The following AKAP9 variants were observed in gnomAD, a reference collection of about 807,000 sequenced individuals.
AKAP9 encodes the protein A-kinase anchor protein 9.
A neutral mutation model predicts 488.5 loss-of-function variants in AKAP9; 311 were observed. That is an observed-to-expected ratio of 0.64 (90% confidence interval 0.58 to 0.70). The LOEUF is 0.70. Ranked by LOEUF, AKAP9 falls within the 30% of genes least tolerant of loss-of-function variation. The pLI is 0.00. For missense variants in AKAP9, 4,215 were observed against 4,374.5 expected, an observed-to-expected ratio of 0.96 and a Z score of 1.03; for synonymous variants, 1,462 against 1,483.5, an observed-to-expected ratio of 0.99 and a Z score of 0.33.
chr7:91,994,170 T>C (rs1481057280), intron 5 of AKAP9, among the ~76,000 whole-genome samples: 3 of 152,164 alleles, frequency 2.0e-5, no homozygotes, highest in Non-Finnish European at 4.4e-5. Flanking sequence ...TCCTTGTAAG[T>C]AACCTCTTGT....
intron 1 of AKAP9, among the ~76,000 whole-genome samples, chr7:91,947,157 GGTGT>G (rs773445421): frequency 3.3e-5 from 4 of 120,790 alleles, no homozygotes; most frequent in Non-Finnish European, 7.1e-5. Flanking sequence ...TGGTGTCTGG[GGTGT>G]GTGTGTGTGT....
At position 92,012,504 on chromosome 7, in the gene AKAP9, C is replaced by T. The variant is rs768107825; in HGVS notation, c.3394C>T (p.Arg1132Cys). ...TTATTCAACTCATGTGGATCAGGTT[C>T]GTGAATATATGGAAAATGAAAAAGA... ...LVYSTHVDQV[R>C]EYMENEKDKA... Residue 1132 changes from arginine (R) to cysteine (C), a missense_variant, in exon 9 of 50, where the codon CGT (arginine) becomes TGT (cysteine). Physicochemically the swap from Arg to Cys is radical, Grantham distance 180. Coordinates refer to ENST00000356239, the MANE Select transcript of AKAP9 (RefSeq NM_005751.5). The T allele has an allele frequency of 1.1e-5, 18 of 1,613,920 alleles. No individual in the cohort carries two copies. The highest frequency in any genetic ancestry group is 2.2e-5 in the East Asian group (1 of 44,842).
intron 46 of AKAP9, among the ~76,000 whole-genome samples, chr7:92,104,450 G>A (rs1051301899): frequency 8.6e-5 from 13 of 152,014 alleles, no homozygotes; most frequent in South Asian, 2.1e-4. Flanking sequence ...CTCGGCCTCC[G>A]AAAGTGCTGG....
chr7:91,953,822 A>G (rs1052037051), intron 1 of AKAP9, among the ~76,000 whole-genome samples: 12 of 76,374 alleles, frequency 1.6e-4, no homozygotes, highest in Admixed American at 5.9e-4. Context: ...GCCCCCCACC[A>G]CACACAAAAA....
rs772512812 is a variant in AKAP9, at chr7:92,070,175, C to T, written c.6476C>T (p.Ala2159Val). Residue 2159 changes from alanine (A) to valine (V), a missense_variant, in exon 27 of 50, where the codon GCG becomes GTG. Coordinates refer to ENST00000356239, the MANE Select transcript of AKAP9 (RefSeq NM_005751.5). ...LEFRVRELEQ[A>V]LLVSADTFQK... Reference sequence around the variant, plus strand: ...TTCAGAGTAAGAGAACTGGAGCAGGCGCTTCTTGTGAGTGCAGATACTTTT... The same window carrying T: ...TTCAGAGTAAGAGAACTGGAGCAGGTGCTTCTTGTGAGTGCAGATACTTTT... 18 of 1,613,830 alleles carry T rather than the reference C, an allele frequency of 1.1e-5. No individual in the cohort carries two copies. The highest frequency in any genetic ancestry group is 1.3e-5 in the African/African-American group (1 of 74,886).
intron 1 of AKAP9, among the ~76,000 whole-genome samples, chr7:91,966,719 A>G (rs1794481914): frequency 2.0e-5 from 3 of 152,184 alleles, no homozygotes; most frequent in Admixed American, 2.0e-4. Context: ...TGCCAAGACC[A>G]TGCTGATTTG....
Position 92,093,130 on chromosome 7 carries a change from C to T in AKAP9, c.9392C>T (p.Ser3131Phe). ...GAATATAATATACAGCAGAAGCAGT[C>T]TCAAATGCTGGAGATGCAAGTGGAG... ...LLEYNIQQKQ[S>F]QMLEMQVELS... The change falls in exon 39 of 50, where the codon TCT becomes TTT. Residue 3131 changes from serine (S) to phenylalanine (F), a missense_variant. Physicochemically the swap from Ser to Phe is radical, Grantham distance 155. This residue lies in a region of AKAP9 where 1,476 missense variants were observed against 1,477.4 expected (regional missense o/e 1.00). Transcript: ENST00000356239. 6.2e-7 allele frequency: 1 copy of T among 1,614,094 alleles called. No homozygotes were observed. Among genetic ancestry groups the T allele is most frequent in the Non-Finnish European group, 8.5e-7 (1 of 1,179,980 alleles).
chr7:92,097,659 A>G lies in AKAP9; in HGVS notation c.10472A>G (p.Lys3491Arg). The G allele has an allele frequency of 6.2e-7, 1 of 1,614,216 alleles. No individual in the cohort carries two copies. Among genetic ancestry groups the G allele is most frequent in the Non-Finnish European group, 8.5e-7 (1 of 1,180,018 alleles). ...CAACAGAAAATAGAAGGAGAAACAA[A>G]AGAATCAAACTACGCTAAATTGATT... ...VLQQKIEGET[K>R]ESNYAKLIEM... The change falls in exon 42 of 50, where the codon AAA (lysine) becomes AGA (arginine). Residue 3491 changes from lysine to arginine, a missense_variant. Coordinates refer to ENST00000356239, the MANE Select transcript of AKAP9 (RefSeq NM_005751.5).
At chr7:91,973,630 A>G (rs1795338142) in intron 1 of AKAP9, 81 bp from the exon 2 acceptor site, 4 of 1,421,330 alleles carry the variant, frequency 2.8e-6, no homozygotes, top group Admixed American at 2.1e-5. Context: ...TTTAAAAGAG[A>G]GACTCCCAAA....
chr7:92,026,458 C>T (rs1171948105), intron 14 of AKAP9, among the ~76,000 whole-genome samples: 1 of 152,116 alleles, frequency 6.6e-6, no homozygotes, highest in Non-Finnish European at 1.5e-5. Flanking sequence ...CCTCGGCCTG[C>T]CTAGTGCCTG....
chr7:92,046,350 A>G (rs1275537674), intron 21 of AKAP9, among the ~76,000 whole-genome samples: 1 of 152,198 alleles, frequency 6.6e-6, no homozygotes, highest in Non-Finnish European at 1.5e-5. Flanking sequence ...AGGCAGACCT[A>G]AAATGCCAGT....
intron 14 of AKAP9, among the ~76,000 whole-genome samples, chr7:92,025,847 G>A (rs1349064220): frequency 6.6e-6 from 1 of 152,172 alleles, no homozygotes; most frequent in African/African-American, 2.4e-5. Flanking sequence ...ATGTAAAGTG[G>A]CTGTTTCCTT....
rs369082700 is a variant in AKAP9, at chr7:92,061,363, G to A, written c.5705G>A (p.Arg1902His). 8.1e-5 allele frequency: 130 copies of A among 1,612,788 alleles called. No individual in the cohort carries two copies. The highest frequency in any genetic ancestry group is 1.0e-4 in the Non-Finnish European group (122 of 1,179,402). Residue 1902 changes from arginine (R) to histidine (H), a missense_variant, in exon 23 of 50, where the codon CGC (arginine) becomes CAC (histidine). Coordinates refer to ENST00000356239, the MANE Select transcript of AKAP9 (RefSeq NM_005751.5). ...AAGTGCCAAGAGGAACTTCGAGAGC[G>A]CCTTCATGAGGAGTCCAGGGCCAGA... ...SLKCQEELRERLHEESRAREQ... is the reference protein window; with the variant it reads ...SLKCQEELREHLHEESRAREQ...
In AKAP9 at chr7:92,066,565, T is replaced by G; in HGVS notation, c.6330+19T>G. 1 of 1,612,954 alleles carries G rather than the reference T, an allele frequency of 6.2e-7. No individual in the cohort carries two copies. The highest frequency in any genetic ancestry group is 1.1e-5 in the South Asian group (1 of 91,048). Reference sequence around the variant, plus strand: ...TAGAGAGGTAAGAACTTCACTGATATTGCCCAACTTACAGTAATTTGTATC... The same window carrying G: ...TAGAGAGGTAAGAACTTCACTGATAGTGCCCAACTTACAGTAATTTGTATC... On this transcript the variant is annotated intron_variant, in intron 26 of 49. Coordinates refer to ENST00000356239, the MANE Select transcript of AKAP9 (RefSeq NM_005751.5).
chr7:92,038,068 TAAG>T (rs1367340850), intron 16 of AKAP9, among the ~76,000 whole-genome samples: 2 of 152,184 alleles, frequency 1.3e-5, no homozygotes, highest in African/African-American at 2.4e-5. Context: ...CAAAGAAGAA[TAAG>T]AAGATTTGGG....
intron 1 of AKAP9, among the ~76,000 whole-genome samples, chr7:91,968,587 T>C (rs1202090036): frequency 6.6e-6 from 1 of 152,194 alleles, no homozygotes; most frequent in Non-Finnish European, 1.5e-5. Flanking sequence ...TTGGCCTCAA[T>C]TTCATTTGTA....
chr7:92,036,807 T>C (rs1489311359), intron 16 of AKAP9, among the ~76,000 whole-genome samples: 3 of 152,186 alleles, frequency 2.0e-5, no homozygotes, highest in Non-Finnish European at 4.4e-5. Flanking sequence ...ATATGTTTTG[T>C]TAAGTTGTAT....
In AKAP9 at chr7:91,995,792, T is replaced by G; in HGVS notation, c.922T>G (p.Tyr308Asp). ...ISFLQEKIKVYEMEQDKKVEN... is the reference protein window; with the variant it reads ...ISFLQEKIKVDEMEQDKKVEN... ...TTTCTTGCAAGAGAAAATTAAAGTA[T>G]ATGAAATGGTATGTTTATTTTAAGG... The change falls in exon 7 of 50, where the codon TAT (tyrosine) becomes GAT (aspartate). Residue 308 changes from tyrosine to aspartate, a missense_variant. Physicochemically the swap from Tyr to Asp is radical, Grantham distance 160. Transcript: ENST00000356239. The G allele has an allele frequency of 6.3e-7, 1 of 1,599,584 alleles. No homozygotes were observed. The highest frequency in any genetic ancestry group is 8.6e-7 in the Non-Finnish European group (1 of 1,168,292).
In AKAP9 at chr7:92,097,781, A is replaced by T; in HGVS notation, c.10594A>T (p.Lys3532Ter). The change falls in exon 42 of 50, where the codon AAA (lysine) becomes TAA (stop). Residue 3532 changes from lysine to a stop codon, truncating the protein, a stop_gained. Coordinates refer to ENST00000356239, the MANE Select transcript of AKAP9 (RefSeq NM_005751.5). LOFTEE classifies it high-confidence loss of function. ...VASKLQVLPQ[K>*]ASERLQFETA... is the part of the protein sequence containing the mutation. ...TTCAAAACTACAGGTTCTACCCCAG[A>T]AAGCCTCTGAGAGGTTAGACTTTTC... The T allele has an allele frequency of 6.2e-7, 1 of 1,614,224 alleles. No homozygotes were observed. The highest frequency in any genetic ancestry group is 1.1e-5 in the South Asian group (1 of 91,092).
Sources: allele counts gnomAD v4.1 joint callset (sites outside exome capture counted in the v4.1 genomes callset), GRCh38; gene constraint gnomAD v4.1.1; regional missense constraint gnomAD v4.1.1; transcripts MANE v1.5; gene names NCBI Gene and HGNC (gene_info 2026-07-23, HGNC 2026-07-21).